The following MLYCD variants were observed in gnomAD, a reference collection of about 807,000 sequenced individuals.
MLYCD encodes the protein malonyl-CoA decarboxylase, mitochondrial.
A neutral mutation model predicts 35.8 loss-of-function variants in MLYCD; 27 were observed. That is an observed-to-expected ratio of 0.75 (90% CI 0.56 to 1.04). MLYCD has a LOEUF of 1.04. Ranked by LOEUF, MLYCD falls within the 50% of genes least tolerant of loss-of-function variation. The pLI, the probability that MLYCD is intolerant of heterozygous loss-of-function variation, is 0.00. For missense variants in MLYCD, 917 were observed against 665.1 expected (o/e 1.38, Z -4.17); for synonymous variants, 403 against 302.4 (o/e 1.33, Z -3.45).
Position 83,907,311 on chromosome 16 carries a change from C to G in MLYCD, c.641+212C>G, listed in dbSNP as rs554856128. On this transcript the variant is annotated intron_variant, in intron 2 of 4. Coordinates refer to ENST00000262430, the MANE Select transcript of MLYCD (RefSeq NM_012213.3). ...GAAGACGAAAGGGCACCAAGAGAAA[C>G]TGATATGTCTGTCAGTGACCTGCGT... is the stretch of plus-strand genomic sequence containing the variant. Among the ~76,000 whole-genome samples the G allele has an allele frequency of 1.6e-3, 249 of 152,302 alleles. 1 individual carries two copies. Among genetic ancestry groups the G allele is most frequent in the Admixed American group, 3.1e-3 (47 of 15,298 alleles).
At position 83,915,124 on chromosome 16, in the gene MLYCD, G is replaced by A. The variant is rs776015473; in HGVS notation, c.1117G>A (p.Glu373Lys). ...GGAGATCACAGGTGGCCCCATTAAC[G>A]AGACCCTCAAGCTCCTCCTCAGCAG... ...ISEITGGPINETLKLLLSSSE... is the reference protein window; with the variant it reads ...ISEITGGPINKTLKLLLSSSE... The change falls in exon 5 of 5, where the codon GAG becomes AAG. Residue 373 changes from glutamate to lysine, a missense_variant. Physicochemically the swap from Glu to Lys is moderately conservative, Grantham distance 56. Transcript: ENST00000262430. The A allele has an allele frequency of 5.0e-6, 8 of 1,614,138 alleles. No individual in the cohort carries two copies. The highest frequency in any genetic ancestry group is 1.7e-5 in the Admixed American group (1 of 60,012).
rs908319064 is a variant in MLYCD, at chr16:83,925,677, C to T, written c.*10188C>T. 19 of 152,822 alleles carry T rather than the reference C, an allele frequency of 1.2e-4. No homozygotes were observed. Among genetic ancestry groups the T allele is most frequent in the African/African-American group, 4.6e-4 (19 of 41,466 alleles). 9.5% of individuals were successfully genotyped at this position (152,822 alleles called of 1,614,324 possible). ...CCTCCCCTCTGCTTTTCCAGGCCCT[C>T]CTGGCACTGTCCTCCCTCAGTCTGG... is the stretch of plus-strand genomic sequence containing the variant. On this transcript the variant is annotated 3_prime_UTR_variant, in exon 5 of 5. Transcript: ENST00000262430.
Position 83,914,989 on chromosome 16 carries a change from C to A in MLYCD, c.982C>A (p.Leu328Met), listed in dbSNP as rs1907318712. 6.2e-7 allele frequency: 1 copy of A among 1,614,220 alleles called. No homozygotes were observed. The highest frequency in any genetic ancestry group is 8.5e-7 in the Non-Finnish European group (1 of 1,180,048). Residue 328 changes from leucine to methionine, a missense_variant, in exon 5 of 5, where the codon CTG (leucine) becomes ATG (methionine). Leu to Met is a conservative substitution (Grantham distance 15). Transcript: ENST00000262430. ...EFPHLGVFSS[L>M]SPIPGFTKWL... is the part of the protein sequence containing the mutation. ...TCCTCACCTTGGGGTGTTTTCAAGT[C>A]TGTCACCTATACCTGGTTTCACCAA...
Position 83,899,446 on chromosome 16 carries a change from A to G in MLYCD, c.302A>G (p.Gln101Arg). 3 of 1,521,922 alleles carry G rather than the reference A, an allele frequency of 2.0e-6. No individual in the cohort carries two copies. The highest frequency in any genetic ancestry group is 2.6e-6 in the Non-Finnish European group (3 of 1,144,798). 94.3% of individuals were successfully genotyped at this position (1,521,922 alleles called of 1,614,324 possible). The stretch of plus-strand genomic sequence containing the variant: ...CGGGGCTTCGGCGTGGACCACGGCC[A>G]GGTGGCGGAGCAGAGCGCCGGCGTG... ...LARGFGVDHG[Q>R]VAEQSAGVLH... Residue 101 changes from glutamine (Q) to arginine (R), a missense_variant, in exon 1 of 5, where the codon CAG becomes CGG. Physicochemically the swap from Gln to Arg is conservative, Grantham distance 43. Coordinates refer to ENST00000262430, the MANE Select transcript of MLYCD (RefSeq NM_012213.3).
Position 83,920,317 on chromosome 16 carries a change from C to A in MLYCD, c.*4828C>A, listed in dbSNP as rs190484229. The A allele has an allele frequency of 1.3e-5, 2 of 152,334 alleles. No individual in the cohort carries two copies. The highest frequency in any genetic ancestry group is 3.9e-4 in the East Asian group (2 of 5,182). The allele number at this position is 152,334 out of a possible 1,614,324, so 9.4% of individuals were successfully genotyped here. ...ACGGGTTCCTCAAAACCTTTTTGGGCAGCTAGCAGCTTTGACTAGCAGCTC... is the reference window on the plus strand; with the variant it reads ...ACGGGTTCCTCAAAACCTTTTTGGGAAGCTAGCAGCTTTGACTAGCAGCTC... On this transcript the variant is annotated 3_prime_UTR_variant, in exon 5 of 5. Coordinates refer to ENST00000262430, the MANE Select transcript of MLYCD (RefSeq NM_012213.3).
intron 3 of MLYCD, among the ~76,000 whole-genome samples, chr16:83,908,866 G>A (rs1199334172): frequency 6.6e-6 from 1 of 152,160 alleles, no homozygotes; most frequent in African/African-American, 2.4e-5. Context: ...CACATTGCAG[G>A]GTCTGGAAAT....
intron 3 of MLYCD, among the ~76,000 whole-genome samples, chr16:83,909,924 C>T (rs981633660): frequency 3.9e-5 from 6 of 152,012 alleles, no homozygotes; most frequent in Non-Finnish European, 8.8e-5. Context: ...CGTGAGCCAC[C>T]GTGCCCGGCT....
At position 83,917,812 on chromosome 16, in the gene MLYCD, T is replaced by C. The variant is rs1017002201; in HGVS notation, c.*2323T>C. ...TTATCCTGCTGCCTCCAGAGTGCCA[T>C]GGACAGATCACCCATTCTCGATCAC... On this transcript the variant is annotated 3_prime_UTR_variant, in exon 5 of 5. Transcript: ENST00000262430. The C allele has an allele frequency of 6.6e-6, 1 of 152,312 alleles. No individual in the cohort carries two copies. Among genetic ancestry groups the C allele is most frequent in the African/African-American group, 2.4e-5 (1 of 41,466 alleles). 9.4% of individuals were successfully genotyped at this position (152,312 alleles called of 1,614,324 possible). A position where few individuals can be genotyped will look rare whatever the true frequency, so the allele number is the denominator to read the frequency against.
chr16:83,902,192 GT>G (rs1257329010), intron 1 of MLYCD, among the ~76,000 whole-genome samples: 18 of 107,216 alleles, frequency 1.7e-4, no homozygotes, highest in Non-Finnish European at 3.1e-4. Flanking sequence ...TATATATATG[GT>G]TTTTTGTTTT....
rs565075946 is a variant in MLYCD, at chr16:83,906,127, C to T, written c.529-860C>T. 1.4e-4 allele frequency among the ~76,000 whole-genome samples: 21 copies of T among 152,270 alleles called. No homozygotes were observed. The East Asian group carries it at 4.1e-3, about 29-fold the overall frequency. On this transcript the variant is annotated intron_variant, in intron 1 of 4. Transcript: ENST00000262430. ...TACGGCGGGGCACAGTGGCTGACGC[C>T]TGTAATCCCAGCACTTTGAGAGGCC...
rs1381126541 is a variant in MLYCD, at chr16:83,921,625, A to G, written c.*6136A>G. The G allele has an allele frequency of 6.6e-6, 1 of 152,148 alleles. No individual in the cohort carries two copies. Among genetic ancestry groups the G allele is most frequent in the Admixed American group, 6.5e-5 (1 of 15,270 alleles). 9.4% of individuals were successfully genotyped at this position (152,148 alleles called of 1,614,324 possible). On this transcript the variant is annotated 3_prime_UTR_variant, in exon 5 of 5. Coordinates refer to ENST00000262430, the MANE Select transcript of MLYCD (RefSeq NM_012213.3). ...AGAAAGAGCCTGTCGTCCCTCTATG[A>G]TACTGCACTGAACCAATATTCCCCT... is the stretch of plus-strand genomic sequence containing the variant.
At chr16:83,910,892 T>A (rs1481144318) in intron 3 of MLYCD, among the ~76,000 whole-genome samples, 3 of 152,220 alleles carry the variant, frequency 2.0e-5, no homozygotes, top group African/African-American at 4.8e-5. Flanking sequence ...TCACAGACCC[T>A]GTTAAGAATC....
rs899452250 is a variant in MLYCD, at chr16:83,925,546, A to T, written c.*10057A>T. ...GGCAGAGTTGTCATTGTGAAATGCA[A>T]ATCAGGTTCCATCTCTCCTCTCCTT... On this transcript the variant is annotated 3_prime_UTR_variant, in exon 5 of 5. Coordinates refer to ENST00000262430, the MANE Select transcript of MLYCD (RefSeq NM_012213.3). 1.3e-5 allele frequency: 2 copies of T among 152,358 alleles called. No homozygotes were observed. The highest frequency in any genetic ancestry group is 1.3e-4 in the Admixed American group (2 of 15,274). 9.4% of individuals were successfully genotyped at this position (152,358 alleles called of 1,614,324 possible).
chr16:83,899,780 G>C, intron 1 of MLYCD, 108 bp downstream of exon 1: 2 of 1,313,350 alleles, frequency 1.5e-6, no homozygotes, highest in Non-Finnish European at 2.0e-6. Context: ...CTGCCCGATA[G>C]CACGCTCACT....
At chr16:83,901,283 C>T (rs144310593) in intron 1 of MLYCD, among the ~76,000 whole-genome samples, 7 of 152,336 alleles carry the variant, frequency 4.6e-5, no homozygotes, top group South Asian at 2.1e-4. Flanking sequence ...GGACATAGTA[C>T]TTGCAGTATA....
Position 83,909,885 on chromosome 16 carries a change from G to A in MLYCD, c.798+1603G>A, listed in dbSNP as rs564844911. 5.9e-5 allele frequency among the ~76,000 whole-genome samples: 9 copies of A among 151,718 alleles called. No homozygotes were observed. In the South Asian group the frequency reaches 1.7e-3, roughly 28 times the overall value. The stretch of plus-strand genomic sequence containing the variant: ...CGACCTCAGGTGATCTGCCCGCCGC[G>A]GCTTCCCAAAGTGCTGGGACTATAA... On this transcript the variant is annotated intron_variant, in intron 3 of 4. Coordinates refer to ENST00000262430, the MANE Select transcript of MLYCD (RefSeq NM_012213.3).
intron 4 of MLYCD, 106 bp from the exon 5 acceptor site, chr16:83,914,850 A>T: frequency 6.7e-7 from 1 of 1,492,862 alleles, no homozygotes. Flanking sequence ...TGACCGCTAC[A>T]CAGCAGCATG....
intron 3 of MLYCD, among the ~76,000 whole-genome samples, chr16:83,909,503 G>A (rs1193508203): frequency 6.6e-6 from 1 of 152,090 alleles, no homozygotes; most frequent in Non-Finnish European, 1.5e-5. Flanking sequence ...GGTATGGTGT[G>A]GTCTTATGAA....
rs1288836586 is a variant in MLYCD, at chr16:83,908,112, A to C, written c.642-14A>C. The C allele has an allele frequency of 1.2e-6, 2 of 1,614,096 alleles. No homozygotes were observed. Among genetic ancestry groups the C allele is most frequent in the African/African-American group, 1.3e-5 (1 of 74,948 alleles). On this transcript the variant is annotated splice_polypyrimidine_tract_variant and intron_variant, in intron 2 of 4. Transcript: ENST00000262430. Reference sequence around the variant, plus strand: ...TTATGCATTTGTCTTGTCTCTTTATAAATTCCGCCCCAGGGCTGAGGCTGT... The same window carrying C: ...TTATGCATTTGTCTTGTCTCTTTATCAATTCCGCCCCAGGGCTGAGGCTGT...
Sources: gnomAD v4.1 joint callset for allele counts (sites outside exome capture counted in the v4.1 genomes callset) on GRCh38, gnomAD v4.1.1 for gene constraint, MANE v1.5 for transcripts, NCBI Gene and HGNC (gene_info 2026-07-23, HGNC 2026-07-21) for gene names.